Variants in GNAQ observed in about 807,000 individuals in gnomAD.
The protein encoded by GNAQ is G protein subunit alpha q, also known as guanine nucleotide-binding protein G(q) subunit alpha.
A neutral mutation model predicts 43.9 loss-of-function variants in GNAQ; 8 were observed. The observed-to-expected ratio is 0.18, with a 90% CI of 0.11 to 0.33. The LOEUF (loss-of-function observed/expected upper bound fraction) is 0.33, where lower values mean the gene tolerates loss of function less well. Among genes scored for constraint, GNAQ ranks in the 10% least tolerant of loss-of-function variants. GNAQ has a pLI of 1.00. For synonymous variants in GNAQ, 155 were observed against 170.7 expected, an observed-to-expected ratio of 0.91 and a Z score of 0.71; for missense variants, 158 against 450.8, an observed-to-expected ratio of 0.35 and a Z score of 5.88.
intron 2 of GNAQ, among the ~76,000 whole-genome samples, chr9:77,886,563 G>C (rs1828309865): frequency 6.6e-6 from 1 of 152,040 alleles, no homozygotes; most frequent in South Asian, 2.1e-4. Flanking sequence ...AAGGGGGCTG[G>C]TTAGCAGGAA....
At chr9:77,812,386 T>G (rs1354673780) in intron 3 of GNAQ, among the ~76,000 whole-genome samples, 1 of 152,166 alleles carries the variant, frequency 6.6e-6, no homozygotes, top group Admixed American at 6.5e-5. Flanking sequence ...ACAACATCAC[T>G]TATAATACAT....
chr9:77,733,544 T>C (rs1223251410), intron 5 of GNAQ, among the ~76,000 whole-genome samples: 1 of 152,138 alleles, frequency 6.6e-6, no homozygotes, highest in African/African-American at 2.4e-5. Context: ...TATCCTTCAA[T>C]ATCCAGGTCA....
intron 2 of GNAQ, among the ~76,000 whole-genome samples, chr9:77,876,854 T>C (rs954150259): frequency 2.0e-5 from 3 of 152,214 alleles, no homozygotes; most frequent in Non-Finnish European, 4.4e-5. Context: ...GTGTGAGCTA[T>C]CTACAACAGC....
intron 5 of GNAQ, among the ~76,000 whole-genome samples, chr9:77,758,540 C>T (rs1825938998): frequency 6.6e-6 from 1 of 152,146 alleles, no homozygotes; most frequent in African/African-American, 2.4e-5. Context: ...AAAATTTCAA[C>T]ATCAAAATAT....
intron 1 of GNAQ, among the ~76,000 whole-genome samples, chr9:77,931,736 C>T (rs1035503621): frequency 6.6e-6 from 1 of 152,216 alleles, no homozygotes; most frequent in African/African-American, 2.4e-5. Flanking sequence ...CTCTTAATAG[C>T]CCTGTGGCCT....
chr9:77,865,736 A>G (rs891926802), intron 2 of GNAQ, among the ~76,000 whole-genome samples: 3 of 152,146 alleles, frequency 2.0e-5, no homozygotes, highest in Non-Finnish European at 4.4e-5. Context: ...TTTCACCCGT[A>G]AAAAAGGAAA....
At chr9:77,882,580 CACAGCCACTA>C (rs1828232321) in intron 2 of GNAQ, among the ~76,000 whole-genome samples, 1 of 152,118 alleles carries the variant, frequency 6.6e-6, no homozygotes, top group Non-Finnish European at 1.5e-5. Context: ...TGGGAAAGTC[CACAGCCACTA>C]ACACAGGGCT....
In GNAQ at chr9:77,817,172, C is replaced by T. The variant is rs11145571; in HGVS notation, c.322-1402G>A. Among the ~76,000 whole-genome samples, 823 of 152,330 alleles carry T rather than the reference C, an allele frequency of 5.4e-3. 2 individuals carry two copies. Among genetic ancestry groups the T allele is most frequent in the African/African-American group, 0.018 (739 of 41,580 alleles). On this transcript the variant is annotated intron_variant, in intron 2 of 6. Transcript: ENST00000286548. ...CACGCCAGGTGGGGCCCACCTCAAT[C>T]ATCGTTCCCCTCTGAGACTCGCCCT...
At chr9:77,857,175 T>C (rs1490641437) in intron 2 of GNAQ, among the ~76,000 whole-genome samples, 2 of 152,162 alleles carry the variant, frequency 1.3e-5, no homozygotes, top group Non-Finnish European at 2.9e-5. Flanking sequence ...AACCCAAACA[T>C]GGAATTGACC....
At chr9:77,834,118 A>C (rs950856042) in intron 2 of GNAQ, among the ~76,000 whole-genome samples, 9 of 152,242 alleles carry the variant, frequency 5.9e-5, no homozygotes, top group African/African-American at 2.2e-4. Flanking sequence ...AATAATAATT[A>C]CACAACAATG....
chr9:77,821,485 G>A (rs1427488703), intron 2 of GNAQ, among the ~76,000 whole-genome samples: 1 of 151,298 alleles, frequency 6.6e-6, no homozygotes, highest in Non-Finnish European at 1.5e-5. Flanking sequence ...CCTTTTTCAT[G>A]TTTGTCTGTA....
At chr9:77,999,039 C>G (rs2118544379) in intron 1 of GNAQ, among the ~76,000 whole-genome samples, 1 of 142,200 alleles carries the variant, frequency 7.0e-6, no homozygotes, top group African/African-American at 2.6e-5. Context: ...TTGCAGAGAG[C>G]CGAGATCATG....
intron 1 of GNAQ, among the ~76,000 whole-genome samples, chr9:77,995,617 T>C (rs185292045): frequency 2.4e-4 from 36 of 152,180 alleles, no homozygotes; most frequent in African/African-American, 8.2e-4. Context: ...TAGCCTCCCA[T>C]GTAGCTGGGA....
chr9:77,891,525 A>G (rs1160968171), intron 2 of GNAQ, among the ~76,000 whole-genome samples: 1 of 152,210 alleles, frequency 6.6e-6, no homozygotes, highest in Non-Finnish European at 1.5e-5. Flanking sequence ...GGCTGAGGAC[A>G]TGTTGCTATT....
At chr9:78,023,785 G>GA (rs984831984) in intron 1 of GNAQ, among the ~76,000 whole-genome samples, 10 of 151,636 alleles carry the variant, frequency 6.6e-5, no homozygotes, top group African/African-American at 1.9e-4. Context: ...TTTCCAAAGG[G>GA]AAAAAAAATG....
chr9:77,833,260 G>A (rs12344081), intron 2 of GNAQ, among the ~76,000 whole-genome samples: 7,755 of 152,164 alleles, frequency 0.051, 241 homozygotes, highest in Non-Finnish European at 0.071. Flanking sequence ...GAGCCACCCC[G>A]CACCTGGCCT....
At chr9:77,815,922 G>A in intron 2 of GNAQ, 152 bp from the exon 3 acceptor site, 1 of 545,866 alleles carries the variant, frequency 1.8e-6, no homozygotes, top group Non-Finnish European at 3.2e-6. Flanking sequence ...CATATTTTTT[G>A]TTTTTCTTAG....
Position 77,728,320 on chromosome 9 carries a change from C to T in GNAQ, c.889+194G>A, listed in dbSNP as rs377274156. Among the ~76,000 whole-genome samples the T allele has an allele frequency of 4.6e-4, 70 of 152,282 alleles. 1 individual carries two copies. Among genetic ancestry groups the T allele is most frequent in the African/African-American group, 1.7e-3 (69 of 41,576 alleles). ...GAGTTTCTTTTTCTATGACTTTTAG[C>T]ATTGTTAAGGAATGCAATGTTTTGT... On this transcript the variant is annotated intron_variant, in intron 6 of 6. Coordinates refer to ENST00000286548, the MANE Select transcript of GNAQ (RefSeq NM_002072.5).
Position 78,014,957 on chromosome 9 carries a change from CAT to C in GNAQ, c.136+16141_136+16142del, listed in dbSNP as rs150356324. On this transcript the variant is annotated intron_variant, in intron 1 of 6. Transcript: ENST00000286548. ...TTATCATAATGCAACACATTAGTCACATGTTTGTGGTAATACTTGTGTAACAA... is the reference window on the plus strand; with the variant it reads ...TTATCATAATGCAACACATTAGTCACGTTTGTGGTAATACTTGTGTAACAA... Among the ~76,000 whole-genome samples, 47 of 152,266 alleles carry C rather than the reference CAT, an allele frequency of 3.1e-4. No homozygotes were observed. The East Asian group carries it at 6.8e-3, about 22-fold the overall frequency.
Sources: gnomAD v4.1 joint callset for allele counts (sites outside exome capture counted in the v4.1 genomes callset) on GRCh38, gnomAD v4.1.1 for gene constraint, MANE v1.5 for transcripts, NCBI Gene and HGNC (gene_info 2026-07-23, HGNC 2026-07-21) for gene names.